The following ALOX5AP variants were observed in gnomAD, a reference collection of about 807,000 sequenced individuals.
ALOX5AP encodes arachidonate 5-lipoxygenase activating protein.
Under a neutral mutation model 18.5 loss-of-function variants are expected in ALOX5AP, and 9 were observed. The ratio of observed to expected loss-of-function variants is 0.49; its 90% CI spans 0.29 to 0.85. The LOEUF (loss-of-function observed/expected upper bound fraction) is 0.85, where lower values mean the gene tolerates loss of function less well. Ranked by LOEUF, ALOX5AP falls within the 40% of genes least tolerant of loss-of-function variation. The pLI, the probability that ALOX5AP is intolerant of heterozygous loss-of-function variation, is 0.08. For missense variants in ALOX5AP, 172 were observed against 202.5 expected, an observed-to-expected ratio of 0.85 and a Z score of 0.91; for synonymous variants, 81 against 78.6, an observed-to-expected ratio of 1.03 and a Z score of -0.16.
chr13:30,740,934 C>T (rs946021048), intron 1 of ALOX5AP, among the ~76,000 whole-genome samples: 2 of 152,034 alleles, frequency 1.3e-5, no homozygotes, highest in South Asian at 2.1e-4. Context: ...TACGGCACAT[C>T]GTGCTGCTGG....
At chr13:30,762,753 C>T (rs1358657234) in intron 4 of ALOX5AP, among the ~76,000 whole-genome samples, 2 of 152,150 alleles carry the variant, frequency 1.3e-5, no homozygotes, top group Non-Finnish European at 2.9e-5. Context: ...AGCTGTTGGG[C>T]TGAGCTGGCT....
chr13:30,715,509 T>C (rs1951543198), intron 1 of ALOX5AP, among the ~76,000 whole-genome samples: 1 of 152,164 alleles, frequency 6.6e-6, no homozygotes. Context: ...TGCCTCTATG[T>C]CCACACCATG....
At chr13:30,735,944 C>T (rs919196568) in intron 1 of ALOX5AP, among the ~76,000 whole-genome samples, 2 of 152,190 alleles carry the variant, frequency 1.3e-5, no homozygotes, top group Non-Finnish European at 1.5e-5. Flanking sequence ...TTTGCTAAAA[C>T]CCTCACCGAA....
chr13:30,760,958 A>G (rs1485545143), intron 4 of ALOX5AP, among the ~76,000 whole-genome samples: 1 of 152,140 alleles, frequency 6.6e-6, no homozygotes, highest in African/African-American at 2.4e-5. Flanking sequence ...TCAAGGGCTA[A>G]TGACCCTGGT....
chr13:30,749,646 G>T (rs1253179486), intron 2 of ALOX5AP, among the ~76,000 whole-genome samples: 1 of 152,172 alleles, frequency 6.6e-6, no homozygotes, highest in Non-Finnish European at 1.5e-5. Flanking sequence ...GCCCTTTGGA[G>T]CTCCTACCGT....
At chr13:30,740,821 T>A (rs796574562) in intron 1 of ALOX5AP, among the ~76,000 whole-genome samples, 7 of 152,212 alleles carry the variant, frequency 4.6e-5, no homozygotes, top group African/African-American at 1.7e-4. Context: ...GTCAGTGGCA[T>A]GGACAGGGTC....
At chr13:30,752,240 C>T (rs1219327993) in intron 3 of ALOX5AP, 118 bp downstream of exon 3, 6 of 1,060,976 alleles carry the variant, frequency 5.7e-6, no homozygotes, top group East Asian at 2.5e-5. Context: ...TCTGTGAAGC[C>T]CTGGAGAGGT....
At chr13:30,756,877 C>T (rs1324001241) in intron 4 of ALOX5AP, among the ~76,000 whole-genome samples, 1 of 149,664 alleles carries the variant, frequency 6.7e-6, no homozygotes, top group Non-Finnish European at 1.5e-5. Flanking sequence ...ACTAGCATCA[C>T]CATTGCATTG....
chr13:30,722,663 C>T (rs1177250234), intron 1 of ALOX5AP, among the ~76,000 whole-genome samples: 5 of 152,176 alleles, frequency 3.3e-5, no homozygotes, highest in Non-Finnish European at 5.9e-5. Context: ...AATATTTGTT[C>T]CCTACAAATC....
intron 1 of ALOX5AP, among the ~76,000 whole-genome samples, chr13:30,739,776 G>A (rs1419300897): frequency 1.3e-5 from 2 of 152,216 alleles, no homozygotes; most frequent in Non-Finnish European, 2.9e-5. Flanking sequence ...AGCAAAGTGA[G>A]TCATGGAGAA....
At chr13:30,713,849 T>G in intron 1 of ALOX5AP, 1 of 1,535,360 alleles carries the variant, frequency 6.5e-7, no homozygotes, top group Non-Finnish European at 8.7e-7. Context: ...CTGGTGTGTG[T>G]GTGTGTGCGC....
chr13:30,733,320 TAA>T, upstream of ALOX5AP, among the ~76,000 whole-genome samples: 1 of 152,370 alleles, frequency 6.6e-6, no homozygotes, highest in South Asian at 2.1e-4. Flanking sequence ...TAGTTTGAGC[TAA>T]GTTTCTATTG....
intron 2 of ALOX5AP, chr13:30,744,474 C>A: frequency 4.1e-6 from 1 of 245,806 alleles, no homozygotes; most frequent in Non-Finnish European, 8.3e-6. Flanking sequence ...GGGGTTAGAC[C>A]AGGGTTGCTA....
intron 1 of ALOX5AP, among the ~76,000 whole-genome samples, chr13:30,720,158 C>A (rs771196662): frequency 3.3e-5 from 5 of 152,204 alleles, no homozygotes; most frequent in Non-Finnish European, 5.9e-5. Context: ...CCGCGCCCGG[C>A]CTCTAGAGGA....
intron 2 of ALOX5AP, among the ~76,000 whole-genome samples, chr13:30,748,745 C>T (rs1951828820): frequency 6.6e-6 from 1 of 152,240 alleles, no homozygotes; most frequent in Admixed American, 6.5e-5. Flanking sequence ...TTCATTCTCA[C>T]AACAGTCTAG....
At chr13:30,752,174 G>A in intron 3 of ALOX5AP, 52 bp downstream of exon 3, 1 of 1,574,950 alleles carries the variant, frequency 6.3e-7, no homozygotes, top group Non-Finnish European at 8.7e-7. Flanking sequence ...GCATCTCAAG[G>A]AGGTTCAAAG....
chr13:30,724,143 T>C (rs1396950189), intron 1 of ALOX5AP, among the ~76,000 whole-genome samples: 1 of 152,226 alleles, frequency 6.6e-6, no homozygotes, highest in African/African-American at 2.4e-5. Flanking sequence ...TTTCTGTTGC[T>C]ATAAATTGTA....
At chr13:30,735,713 G>C (rs201360548) in intron 1 of ALOX5AP, 38 bp downstream of exon 1, 4 of 1,607,390 alleles carry the variant, frequency 2.5e-6, no homozygotes, top group Non-Finnish European at 3.4e-6. Flanking sequence ...AACAGAAGGG[G>C]AGATTTTCTT....
chr13:30,743,820 T>C (rs1332911732), intron 1 of ALOX5AP, among the ~76,000 whole-genome samples: 1 of 152,128 alleles, frequency 6.6e-6, no homozygotes, highest in Non-Finnish European at 1.5e-5. Context: ...TCCTTTAGAC[T>C]GTAAGATCCT....
Sources: gnomAD v4.1 joint callset for allele counts (sites outside exome capture counted in the v4.1 genomes callset) on GRCh38, gnomAD v4.1.1 for gene constraint, MANE v1.5 for transcripts, NCBI Gene and HGNC (gene_info 2026-07-23, HGNC 2026-07-21) for gene names.